Variants in COL22A1 observed in about 807,000 individuals in gnomAD.
COL22A1 encodes the protein collagen alpha-1(XXII) chain.
A neutral mutation model predicts 248.9 loss-of-function variants in COL22A1; 221 were observed. That is an observed-to-expected ratio of 0.89 (90% CI 0.80 to 0.99). The LOEUF (loss-of-function observed/expected upper bound fraction) is 0.99. Among genes scored for constraint, COL22A1 ranks in the 50% least tolerant of loss-of-function variants. COL22A1 has a pLI of 0.00. For missense variants in COL22A1, 2,240 were observed against 2,179.0 expected (o/e 1.03, Z -0.56); for synonymous variants, 891 against 793.4 (o/e 1.12, Z -2.07).
chr8:138,844,198 G>A, intron 3 of COL22A1, 40 bp from the exon 4 acceptor site: 1 of 1,579,350 alleles, frequency 6.3e-7, no homozygotes, highest in Non-Finnish European at 8.7e-7. Flanking sequence ...ATGAGAAAAT[G>A]TGACCCATCG....
chr8:138,777,582 T>C (rs990694064), intron 15 of COL22A1, among the ~76,000 whole-genome samples: 2 of 152,186 alleles, frequency 1.3e-5, no homozygotes, highest in Non-Finnish European at 2.9e-5. Flanking sequence ...TGTGTTCTCA[T>C]TGTTCAACTC....
At chr8:138,840,021 C>G (rs1200144424) in intron 4 of COL22A1, among the ~76,000 whole-genome samples, 1 of 152,118 alleles carries the variant, frequency 6.6e-6, no homozygotes, top group African/African-American at 2.4e-5. Flanking sequence ...CAATCTCCTG[C>G]GTCTATTCTC....
At chr8:138,793,268 T>C (rs919105120) in intron 12 of COL22A1, among the ~76,000 whole-genome samples, 2 of 152,100 alleles carry the variant, frequency 1.3e-5, no homozygotes, top group Non-Finnish European at 2.9e-5. Flanking sequence ...GAGTCACGAG[T>C]GGCCTTCTAC....
chr8:138,744,897 AG>A (rs1831981687), intron 22 of COL22A1, among the ~76,000 whole-genome samples: 1 of 152,202 alleles, frequency 6.6e-6, no homozygotes. Flanking sequence ...TCTTTGTAAG[AG>A]GGGACATCTT....
intron 7 of COL22A1, 22 bp from the exon 8 acceptor site, chr8:138,813,041 G>A (rs778391677): frequency 6.2e-6 from 10 of 1,602,846 alleles, no homozygotes; most frequent in Non-Finnish European, 8.5e-6. Flanking sequence ...AGCAAGGAGA[G>A]AGGATAAGTT....
chr8:138,800,340 T>G (rs935672269), intron 11 of COL22A1, among the ~76,000 whole-genome samples: 2 of 152,324 alleles, frequency 1.3e-5, no homozygotes, highest in East Asian at 3.9e-4. Context: ...CTTGGCTGCA[T>G]CTGCCAAGAA....
intron 4 of COL22A1, among the ~76,000 whole-genome samples, chr8:138,842,686 TA>T (rs981820043): frequency 2.0e-5 from 3 of 152,270 alleles, no homozygotes; most frequent in African/African-American, 7.2e-5. Context: ...TTTGCACAAT[TA>T]TTTTTGCAGC....
At chr8:138,659,002 G>T (rs971643113) in intron 44 of COL22A1, among the ~76,000 whole-genome samples, 1 of 151,964 alleles carries the variant, frequency 6.6e-6, no homozygotes, top group African/African-American at 2.4e-5. Flanking sequence ...CACTATCTTT[G>T]CAGGGAGATG....
intron 2 of COL22A1, among the ~76,000 whole-genome samples, chr8:138,878,662 C>A (rs1823940951): frequency 6.6e-6 from 1 of 152,154 alleles, no homozygotes. Context: ...CAACCTACCC[C>A]AAATAATGTA....
At chr8:138,653,360 G>T (rs1047034140) in intron 45 of COL22A1, among the ~76,000 whole-genome samples, 2 of 152,148 alleles carry the variant, frequency 1.3e-5, no homozygotes, top group Admixed American at 1.3e-4. Context: ...TCTGGCTCAC[G>T]TAAAGATGAA....
At chr8:138,883,678 T>C (rs1824420708) in intron 1 of COL22A1, among the ~76,000 whole-genome samples, 2 of 152,098 alleles carry the variant, frequency 1.3e-5, no homozygotes, top group Admixed American at 1.3e-4. Context: ...TCTCAGGAGA[T>C]CTGCTACTTT....
At chr8:138,821,675 A>G (rs184673276) in intron 6 of COL22A1, among the ~76,000 whole-genome samples, 1 of 152,186 alleles carries the variant, frequency 6.6e-6, no homozygotes, top group Non-Finnish European at 1.5e-5. Flanking sequence ...AATTGCACTC[A>G]TACATTAACT....
intron 1 of COL22A1, among the ~76,000 whole-genome samples, chr8:138,884,078 TG>T (rs1460413308): frequency 6.6e-6 from 1 of 152,130 alleles, no homozygotes; most frequent in African/African-American, 2.4e-5. Context: ...TTTGCCCCCC[TG>T]GGAGGGCTTC....
intron 32 of COL22A1, among the ~76,000 whole-genome samples, chr8:138,697,805 A>G (rs910845417): frequency 5.9e-5 from 9 of 152,170 alleles, no homozygotes; most frequent in African/African-American, 1.4e-4. Flanking sequence ...ACAGAATAAC[A>G]CTTTCCAAAT....
chr8:138,626,669 T>C (rs1231639585), intron 50 of COL22A1, among the ~76,000 whole-genome samples: 2 of 152,200 alleles, frequency 1.3e-5, no homozygotes, highest in Admixed American at 1.3e-4. Flanking sequence ...CATACAGGAC[T>C]GTACACAAGT....
At chr8:138,729,667 C>T (rs1361080117) in intron 23 of COL22A1, among the ~76,000 whole-genome samples, 1 of 152,194 alleles carries the variant, frequency 6.6e-6, no homozygotes, top group Non-Finnish European at 1.5e-5. Flanking sequence ...AGGGGACGTG[C>T]TCACAAGTCC....
chr8:138,792,683 C>T (rs1299574780), intron 12 of COL22A1, among the ~76,000 whole-genome samples: 1 of 152,190 alleles, frequency 6.6e-6, no homozygotes, highest in African/African-American at 2.4e-5. Flanking sequence ...CTTCATTTAC[C>T]AGGTCCCTGG....
chr8:138,841,606 C>T (rs1586868048), intron 4 of COL22A1, among the ~76,000 whole-genome samples: 1 of 152,022 alleles, frequency 6.6e-6, no homozygotes, highest in South Asian at 2.1e-4. Flanking sequence ...AGAGTCAGAA[C>T]CTCTTCTGCA....
intron 4 of COL22A1, among the ~76,000 whole-genome samples, chr8:138,834,815 A>G (rs1820305397): frequency 6.6e-6 from 1 of 152,156 alleles, no homozygotes; most frequent in African/African-American, 2.4e-5. Flanking sequence ...CATAGATGTC[A>G]TGTATTTATT....
Sources: allele counts gnomAD v4.1 joint callset (sites outside exome capture counted in the v4.1 genomes callset), GRCh38; gene constraint gnomAD v4.1.1; transcripts MANE v1.5; gene names NCBI Gene and HGNC (gene_info 2026-07-23, HGNC 2026-07-21).